Variants in PTPRR observed in about 807,000 individuals in gnomAD.
PTPRR encodes protein tyrosine phosphatase receptor type R, also known as receptor-type tyrosine-protein phosphatase R.
Under a neutral mutation model 77.2 loss-of-function variants are expected in PTPRR, and 38 were observed. That is an observed-to-expected ratio of 0.49 (90% CI 0.38 to 0.65). The LOEUF (loss-of-function observed/expected upper bound fraction) is 0.65, where lower values mean the gene tolerates loss of function less well. Among genes scored for constraint, PTPRR ranks in the 30% least tolerant of loss-of-function variants. The pLI is 0.00. For synonymous variants in PTPRR, 299 were observed against 283.1 expected (o/e 1.06, Z -0.57); for missense variants, 744 against 799.2 (o/e 0.93, Z 0.83).
intron 10 of PTPRR, among the ~76,000 whole-genome samples, chr12:70,680,690 A>G (rs1887622428): frequency 6.6e-6 from 1 of 151,696 alleles, no homozygotes; most frequent in South Asian, 2.1e-4. Flanking sequence ...TGGGTTAGGG[A>G]TTCTCTGGGG....
intron 6 of PTPRR, among the ~76,000 whole-genome samples, chr12:70,729,689 G>T (rs1889584689): frequency 1.3e-5 from 2 of 152,022 alleles, no homozygotes; most frequent in African/African-American, 4.8e-5. Context: ...ATTTATTAAG[G>T]TCTAATGTAC....
At chr12:70,774,616 G>T (rs1226751730) in intron 2 of PTPRR, among the ~76,000 whole-genome samples, 2 of 132,562 alleles carry the variant, frequency 1.5e-5, no homozygotes, top group Middle Eastern at 3.4e-3. Context: ...TTCTCTGCTT[G>T]TCTGAGAAAA....
intron 2 of PTPRR, among the ~76,000 whole-genome samples, chr12:70,825,007 G>A (rs1810222): frequency 0.19 from 29,608 of 152,150 alleles, 4,773 homozygotes; most frequent in African/African-American, 0.44. Context: ...AAGTTAGGCT[G>A]GGCGCGTTGG....
chr12:70,790,760 C>G (rs1170756191), intron 2 of PTPRR, among the ~76,000 whole-genome samples: 1 of 151,996 alleles, frequency 6.6e-6, no homozygotes, highest in Non-Finnish European at 1.5e-5. Flanking sequence ...AAAAAACCAG[C>G]CATCCCAGGA....
chr12:70,902,797 G>C (rs1469426644), intron 1 of PTPRR, among the ~76,000 whole-genome samples: 1 of 151,610 alleles, frequency 6.6e-6, no homozygotes, highest in Non-Finnish European at 1.5e-5. Context: ...ATACTGGTTG[G>C]GTGATGGGTG....
At chr12:70,883,776 A>C (rs750447386) in intron 2 of PTPRR, among the ~76,000 whole-genome samples, 4 of 152,340 alleles carry the variant, frequency 2.6e-5, no homozygotes, top group Non-Finnish European at 5.9e-5. Context: ...GTTAGGAAGC[A>C]GACTTTGATT....
chr12:70,885,269 A>C (rs1893219030), intron 2 of PTPRR, among the ~76,000 whole-genome samples: 2 of 152,186 alleles, frequency 1.3e-5, no homozygotes, highest in African/African-American at 2.4e-5. Context: ...GAGTGGCCTT[A>C]AATCAGTGAC....
intron 2 of PTPRR, among the ~76,000 whole-genome samples, chr12:70,793,159 T>C (rs1385578921): frequency 6.6e-6 from 1 of 151,696 alleles, no homozygotes; most frequent in African/African-American, 2.4e-5. Context: ...GGACAATGAT[T>C]AACAGCAGAA....
chr12:70,828,869 G>GAA (rs1454151041), intron 2 of PTPRR, among the ~76,000 whole-genome samples: 1 of 152,144 alleles, frequency 6.6e-6, no homozygotes, highest in Non-Finnish European at 1.5e-5. Flanking sequence ...GACTCAACAT[G>GAA]AAAGCCAGGT....
chr12:70,796,615 G>A (rs1380214279), intron 2 of PTPRR, among the ~76,000 whole-genome samples: 2 of 152,022 alleles, frequency 1.3e-5, no homozygotes, highest in East Asian at 3.9e-4. Flanking sequence ...CTCTTCCATT[G>A]AGAATTTACG....
At chr12:70,831,611 C>T (rs1474079600) in intron 2 of PTPRR, among the ~76,000 whole-genome samples, 2 of 152,168 alleles carry the variant, frequency 1.3e-5, no homozygotes, top group Admixed American at 1.3e-4. Context: ...CAAAATAGAG[C>T]AGCCCACACA....
Position 70,920,406 on chromosome 12 carries a change from A to G in PTPRR, c.-16T>C, listed in dbSNP as rs762533673. 5 of 1,610,678 alleles carry G rather than the reference A, an allele frequency of 3.1e-6. No homozygotes were observed. Among genetic ancestry groups the G allele is most frequent in the Middle Eastern group, 1.7e-4 (1 of 5,786 alleles). On this transcript the variant is annotated 5_prime_UTR_variant, in exon 1 of 14. Transcript: ENST00000283228. ...CTCTCCGCATAGTGTTTGCATTGAG[A>G]GGTGGAGGAGAAACTCCACCACGAC...
chr12:70,824,449 C>T (rs1468636302), intron 2 of PTPRR, among the ~76,000 whole-genome samples: 1 of 151,858 alleles, frequency 6.6e-6, no homozygotes, highest in Non-Finnish European at 1.5e-5. Flanking sequence ...CATCAAGAAA[C>T]CATGGTAGCT....
intron 7 of PTPRR, 76 bp from the exon 8 acceptor site, chr12:70,698,425 C>A: frequency 7.8e-7 from 1 of 1,287,940 alleles, no homozygotes. Context: ...GGCATCTGAT[C>A]CAGAGTTCTA....
chr12:70,873,856 G>T (rs1346064049), intron 2 of PTPRR, among the ~76,000 whole-genome samples: 1 of 152,160 alleles, frequency 6.6e-6, no homozygotes, highest in Non-Finnish European at 1.5e-5. Flanking sequence ...GTTTGTGAAT[G>T]TGAGTGTTGT....
In PTPRR at chr12:70,683,392, T is replaced by G. The variant is rs188021660; in HGVS notation, c.1497+735A>C. Among the ~76,000 whole-genome samples, 561 of 152,336 alleles carry G rather than the reference T, an allele frequency of 3.7e-3. 3 individuals carry two copies. Among genetic ancestry groups the G allele is most frequent in the African/African-American group, 0.013 (551 of 41,586 alleles). ...AATACAGAATAAGTATTCTGCAAGC[T>G]AAATCCTTAGAAAAGACTACTAGTA... On this transcript the variant is annotated intron_variant, in intron 10 of 13. Transcript: ENST00000283228.
chr12:70,824,920 A>G (rs1248556776), intron 2 of PTPRR, among the ~76,000 whole-genome samples: 1 of 152,220 alleles, frequency 6.6e-6, no homozygotes, highest in East Asian at 1.9e-4. Flanking sequence ...AGTGCTTTAC[A>G]TACTCCTCAC....
chr12:70,882,993 C>T (rs1320792269), intron 2 of PTPRR, among the ~76,000 whole-genome samples: 1 of 152,106 alleles, frequency 6.6e-6, no homozygotes, highest in Non-Finnish European at 1.5e-5. Flanking sequence ...ATAATGAAGG[C>T]TGGGCAAAGT....
intron 12 of PTPRR, among the ~76,000 whole-genome samples, chr12:70,660,207 A>AATAC (rs1246201518): frequency 6.6e-6 from 1 of 151,292 alleles, no homozygotes; most frequent in Non-Finnish European, 1.5e-5. Flanking sequence ...TAAATAAATA[A>AATAC]ATAAATAGTT....
Sources: gnomAD v4.1 joint callset for allele counts (sites outside exome capture counted in the v4.1 genomes callset) on GRCh38, gnomAD v4.1.1 for gene constraint, MANE v1.5 for transcripts, NCBI Gene and HGNC (gene_info 2026-07-23, HGNC 2026-07-21) for gene names.